PHKA1: variants seen among roughly 807,000 people sequenced by gnomAD.
PHKA1 encodes the protein phosphorylase kinase regulatory subunit alpha 1.
A neutral mutation model predicts 110.2 loss-of-function variants in PHKA1; 60 were observed. The observed-to-expected ratio is 0.54, with a 90% confidence interval of 0.44 to 0.68. PHKA1 has a LOEUF of 0.68. Among genes scored for constraint, PHKA1 ranks in the 30% least tolerant of loss-of-function variants. The probability of loss-of-function intolerance (pLI) is 0.00; values close to 1 mark genes in which losing one functional copy is unlikely to be tolerated. For missense variants in PHKA1, 801 were observed against 942.5 expected, an observed-to-expected ratio of 0.85 and a Z score of 1.97; for synonymous variants, 316 against 333.6, an observed-to-expected ratio of 0.95 and a Z score of 0.58.
intron 14 of PHKA1, 43 bp downstream of exon 14, chrX:72,644,319 A>G (rs191018601): frequency 2.5e-6 from 3 of 1,188,148 alleles, no homozygotes; most frequent in African/African-American, 3.5e-5. Flanking sequence ...CCAGCCTATA[A>G]TGAATAATGC....
chrX:72,595,203 T>C (rs1422151308), intron 28 of PHKA1, among the ~76,000 whole-genome samples: 2 of 111,955 alleles, frequency 1.8e-5, no homozygotes, highest in African/African-American at 3.2e-5. Flanking sequence ...ATCATCTTAA[T>C]AGATACAGAA....
intron 7 of PHKA1, among the ~76,000 whole-genome samples, chrX:72,667,041 A>G (rs1350354983): frequency 3.6e-5 from 4 of 112,415 alleles, no homozygotes; most frequent in African/African-American, 1.3e-4. Context: ...CTACAAATCC[A>G]TCATCTCTGG....
Position 72,623,211 on chromosome X carries a change from C to T in PHKA1, c.1858G>A (p.Asp620Asn), listed in dbSNP as rs963971695. ...TACAGCTTACCCTCAGGTCCAGGGT[C>T]CATGAAGCTCAAGTGTGTGCAACAA... ...TSCCTHLSFM[D>N]PGPEGKLYSE... is the part of the protein sequence containing the mutation. Residue 620 changes from aspartate (D) to asparagine (N), a missense_variant, in exon 18 of 32, where the codon GAC (aspartate) becomes AAC (asparagine). This residue lies in a region of PHKA1 where 502 missense variants were observed against 519.2 expected (regional missense o/e 0.97). Coordinates refer to ENST00000373542, the MANE Select transcript of PHKA1 (RefSeq NM_002637.4). 1.7e-6 allele frequency: 2 copies of T among 1,209,172 alleles called. No homozygotes were observed. The highest frequency in any genetic ancestry group is 2.2e-6 in the Non-Finnish European group (2 of 893,716).
chrX:72,628,836 C>T (rs1365174659), intron 16 of PHKA1, among the ~76,000 whole-genome samples: 1 of 109,573 alleles, frequency 9.1e-6, no homozygotes, highest in Non-Finnish European at 1.9e-5. Context: ...CCCGCCTCAG[C>T]CTCCCAAAGT....
chrX:72,639,127 A>G (rs1288997329), intron 14 of PHKA1, among the ~76,000 whole-genome samples: 1 of 112,347 alleles, frequency 8.9e-6, no homozygotes, highest in Non-Finnish European at 1.9e-5. Flanking sequence ...TAATTCTACC[A>G]TTCTTGTTTA....
chrX:72,605,075 C>T (rs1327710285), intron 25 of PHKA1, among the ~76,000 whole-genome samples, 196 bp downstream of exon 25: 3 of 111,960 alleles, frequency 2.7e-5, no homozygotes, highest in South Asian at 7.4e-4. Context: ...TCTGAAGCTG[C>T]GAACTGATAC....
chrX:72,692,990 G>A (rs2054059406), intron 4 of PHKA1, among the ~76,000 whole-genome samples: 1 of 105,990 alleles, frequency 9.4e-6, no homozygotes, highest in African/African-American at 3.4e-5. Context: ...TTCCCTCTAA[G>A]CACTGTTTTC....
intron 6 of PHKA1, among the ~76,000 whole-genome samples, chrX:72,673,537 G>C (rs1556310113): frequency 5.4e-5 from 6 of 111,273 alleles, no homozygotes. Context: ...TTTGAGAAAA[G>C]TGGCAAAAAA....
intron 4 of PHKA1, among the ~76,000 whole-genome samples, chrX:72,687,688 T>C (rs782332677): frequency 2.7e-5 from 3 of 111,083 alleles, no homozygotes; most frequent in African/African-American, 9.8e-5. Flanking sequence ...CATTAAACTT[T>C]AAAAAAAACT....
At chrX:72,694,480 G>A (rs2054082245) in intron 4 of PHKA1, among the ~76,000 whole-genome samples, 1 of 112,062 alleles carries the variant, frequency 8.9e-6, no homozygotes, top group Non-Finnish European at 1.9e-5. Context: ...TTTTCCAGAT[G>A]CATGTTATAC....
chrX:72,630,674 T>C (rs1051967036), intron 16 of PHKA1, among the ~76,000 whole-genome samples: 3 of 111,235 alleles, frequency 2.7e-5, no homozygotes, highest in Non-Finnish European at 5.7e-5. Context: ...TTGTTGCTTA[T>C]AGAAATGGTA....
chrX:72,671,337 T>C (rs1476046728), intron 6 of PHKA1, among the ~76,000 whole-genome samples: 1 of 110,653 alleles, frequency 9.0e-6, no homozygotes, highest in Non-Finnish European at 1.9e-5. Context: ...CCATTCACAA[T>C]TGCTTCAAAG....
Position 72,684,483 on chromosome X carries a change from A to G in PHKA1, c.537+15T>C, listed in dbSNP as rs782622142. 2.9e-6 allele frequency: 3 copies of G among 1,052,363 alleles called. No individual in the cohort carries two copies. The highest frequency in any genetic ancestry group is 4.0e-6 in the Non-Finnish European group (3 of 750,290). The allele number at this position is 1,052,363 out of a possible 1,213,427, so 86.7% of individuals were successfully genotyped here. A position where few individuals can be genotyped will look rare whatever the true frequency, so the allele number is the denominator to read the frequency against. On this transcript the variant is annotated intron_variant, in intron 5 of 31. Transcript: ENST00000373542. ...ACATCATATGTCTAAAATCCATTCTAAAATCAGTACTTACAGCAGTTTTAT... is the reference window on the plus strand; with the variant it reads ...ACATCATATGTCTAAAATCCATTCTGAAATCAGTACTTACAGCAGTTTTAT...
chrX:72,635,604 C>A (rs539752609), intron 15 of PHKA1, among the ~76,000 whole-genome samples: 1 of 111,694 alleles, frequency 9.0e-6, no homozygotes, highest in South Asian at 3.8e-4. Context: ...AGAGATGATA[C>A]GTGGATTAGT....
At chrX:72,634,533 C>A in intron 16 of PHKA1, among the ~76,000 whole-genome samples, 1 of 105,465 alleles carries the variant, frequency 9.5e-6, no homozygotes, top group African/African-American at 3.5e-5. Flanking sequence ...GCCTTTCACC[C>A]AGTTTCAAGT....
At chrX:72,630,296 GGAGA>G (rs372667448) in intron 16 of PHKA1, among the ~76,000 whole-genome samples, 3,797 of 99,232 alleles carry the variant, frequency 0.038, 194 homozygotes, top group African/African-American at 0.13. Flanking sequence ...CGGGGGTGGG[GGAGA>G]GAGAGAGAGA....
At chrX:72,683,490 GTATAAATGATA>G (rs782701878) in intron 5 of PHKA1, among the ~76,000 whole-genome samples, 1 of 112,066 alleles carries the variant, frequency 8.9e-6, no homozygotes, top group African/African-American at 3.2e-5. Flanking sequence ...TTTTATGGAG[GTATAAATGATA>G]TACAAAGAAC....
intron 6 of PHKA1, among the ~76,000 whole-genome samples, chrX:72,673,125 A>C (rs1415030846): frequency 9.0e-6 from 1 of 111,430 alleles, no homozygotes; most frequent in African/African-American, 3.3e-5. Context: ...GGGACAACTA[A>C]ATAAATTTGA....
chrX:72,664,753 A>G (rs2053599639), intron 8 of PHKA1, among the ~76,000 whole-genome samples: 1 of 112,078 alleles, frequency 8.9e-6, no homozygotes, highest in Middle Eastern at 4.2e-3. Flanking sequence ...CTAGAAATCA[A>G]TAACAAGAGA....
Sources: allele counts gnomAD v4.1 joint callset (sites outside exome capture counted in the v4.1 genomes callset), GRCh38; gene constraint gnomAD v4.1.1; regional missense constraint gnomAD v4.1.1; transcripts MANE v1.5; gene names NCBI Gene and HGNC (gene_info 2026-07-23, HGNC 2026-07-21).